DNHD1: variants seen among roughly 807,000 people sequenced by gnomAD.
DNHD1 encodes dynein heavy chain domain 1, also known as dynein heavy chain domain-containing protein 1.
Under a neutral mutation model 458.1 loss-of-function variants are expected in DNHD1, and 383 were observed. The ratio of observed to expected loss-of-function variants is 0.84; its 90% confidence interval spans 0.77 to 0.91. DNHD1 has a LOEUF of 0.91. DNHD1 is among the 40% of genes least tolerant of loss of function. The pLI is 0.00. For synonymous variants in DNHD1, 2,203 were observed against 2,376.9 expected (o/e 0.93, Z 2.13); for missense variants, 5,336 against 5,866.1 (o/e 0.91, Z 2.95).
rs376789070 is a variant in DNHD1, at chr11:6,558,161, C to T, written c.8866C>T (p.Arg2956Cys). The T allele has an allele frequency of 9.7e-6, 15 of 1,546,000 alleles. No individual in the cohort carries two copies. Among genetic ancestry groups the T allele is most frequent in the South Asian group, 1.2e-5 (1 of 83,824 alleles). The change falls in exon 25 of 43, where the codon CGC becomes TGC. Residue 2956 changes from arginine (R) to cysteine (C), a missense_variant. Physicochemically the swap from Arg to Cys is radical, Grantham distance 180. Transcript: ENST00000254579. ...PSGVDLTTLH[R>C]LLALATSGSF... is the part of the protein sequence containing the mutation. ...TGGTGTGGATCTCACTACACTTCAT[C>T]GCCTCCTGGCCCTGGCAACCTCAGG...
At chr11:6,525,202 A>G (rs1852686442) in intron 10 of DNHD1, among the ~76,000 whole-genome samples, 1 of 152,170 alleles carries the variant, frequency 6.6e-6, no homozygotes, top group South Asian at 2.1e-4. Flanking sequence ...TCTGACTCTC[A>G]CTTTTTGCCA....
chr11:6,538,536 T>C lies in DNHD1; in HGVS notation c.3126+26T>C, dbSNP rs1853017030. 5 of 1,551,738 alleles carry C rather than the reference T, an allele frequency of 3.2e-6. No homozygotes were observed. In the African/African-American group the frequency reaches 6.8e-5, roughly 21 times the overall value. ...GTGCTGACACCCTTCCTTGGAGCTCTTGACTGGGAGTGGAGGACTACAGTG... is the reference window on the plus strand; with the variant it reads ...GTGCTGACACCCTTCCTTGGAGCTCCTGACTGGGAGTGGAGGACTACAGTG... On this transcript the variant is annotated intron_variant, in intron 15 of 42. Transcript: ENST00000254579.
intron 7 of DNHD1, among the ~76,000 whole-genome samples, chr11:6,515,747 T>C (rs1477966222): frequency 6.6e-6 from 1 of 151,732 alleles, no homozygotes; most frequent in Non-Finnish European, 1.5e-5. Context: ...GCCAAGCTCA[T>C]TCACTGTTTT....
chr11:6,522,727 A>T (rs903770297), intron 10 of DNHD1, among the ~76,000 whole-genome samples: 15 of 152,352 alleles, frequency 9.8e-5, no homozygotes, highest in African/African-American at 3.6e-4. Flanking sequence ...TGTTACTTAA[A>T]TGAGGCAAAA....
At position 6,565,715 on chromosome 11, in the gene DNHD1, CAA is replaced by C. The variant is rs1436480526; in HGVS notation, c.10780_10781del (p.Lys3594GlufsTer4). 1.3e-6 allele frequency: 2 copies of C among 1,548,008 alleles called. No individual in the cohort carries two copies. Among genetic ancestry groups the C allele is most frequent in the Non-Finnish European group, 1.7e-6 (2 of 1,146,048 alleles). ...EGRGKGLMRN[Q>X]KRESKTDMKE... The stretch of plus-strand genomic sequence containing the variant: ...CCCAGGGAAAGGCCTCATGAGAAAT[CAA>C]AAGAGAGAGAGTAAAACGGACATGA... On this transcript the variant is annotated frameshift_variant, in exon 33 of 43. Transcript: ENST00000254579. LOFTEE classifies it high-confidence loss of function.
intron 18 of DNHD1, among the ~76,000 whole-genome samples, chr11:6,540,385 GCT>G (rs996313685): frequency 2.6e-5 from 4 of 152,126 alleles, no homozygotes; most frequent in African/African-American, 9.7e-5. Flanking sequence ...ACCTTTCAAT[GCT>G]CTGTCCTCTA....
chr11:6,528,496 G>A, intron 10 of DNHD1, 26 bp from the exon 11 acceptor site: 1 of 1,536,400 alleles, frequency 6.5e-7, no homozygotes, highest in African/African-American at 1.4e-5. Flanking sequence ...GGTACTCACG[G>A]ACAATTATGG....
At position 6,545,080 on chromosome 11, in the gene DNHD1, C is replaced by T. The variant is rs1386324073; in HGVS notation, c.4141C>T (p.Gln1381Ter). The T allele has an allele frequency of 3.9e-6, 6 of 1,551,862 alleles. No homozygotes were observed. The East Asian group carries it at 9.8e-5, about 25-fold the overall frequency. ...TGCTCGACTGGAATCATGCGAAGCC[C>T]AGCTATGGGTACGACGCTGCTTTCC... is the stretch of plus-strand genomic sequence containing the variant. ...LAARLESCEA[Q>*]LWVRRCFPHV... The change falls in exon 21 of 43, where the codon CAG (glutamine) becomes TAG (stop). Residue 1381 changes from glutamine (Q) to a stop codon, truncating the protein, a stop_gained. Transcript: ENST00000254579. LOFTEE classifies it high-confidence loss of function. The surrounding 1 kb of genome is among the most constrained non-coding windows in gnomAD (Gnocchi z 4.9).
Position 6,548,798 on chromosome 11 carries a change from A to G in DNHD1, c.7252A>G (p.Ser2418Gly). Residue 2418 changes from serine to glycine, a missense_variant, in exon 24 of 43, where the codon AGT (serine) becomes GGT (glycine). Transcript: ENST00000254579. The surrounding 1 kb of genome is among the most constrained non-coding windows in gnomAD (Gnocchi z 4.4). ...YIYSPIHPAF[S>G]SSHLRLLLSR... is the part of the protein sequence containing the mutation. ...ATACAGCCCCATCCACCCTGCCTTC[A>G]GTTCCTCCCACCTCCGTCTCCTGCT... 1.9e-6 allele frequency: 3 copies of G among 1,551,648 alleles called. No individual in the cohort carries two copies. Among genetic ancestry groups the G allele is most frequent in the Non-Finnish European group, 1.7e-6 (2 of 1,146,982 alleles).
chr11:6,515,553 G>A (rs1488536183), intron 7 of DNHD1, among the ~76,000 whole-genome samples: 1 of 151,838 alleles, frequency 6.6e-6, no homozygotes, highest in Non-Finnish European at 1.5e-5. Flanking sequence ...CTCCAGATGA[G>A]ACCAAAAATA....
chr11:6,528,433 G>C, intron 10 of DNHD1, 89 bp from the exon 11 acceptor site: 3 of 1,325,890 alleles, frequency 2.3e-6, no homozygotes, highest in Non-Finnish European at 3.1e-6. Flanking sequence ...GTGTGTGTGT[G>C]TGTACACACA....
rs1852286639 is a variant in DNHD1, at chr11:6,509,147, A to G, written c.1125-15A>G. 6.2e-7 allele frequency: 1 copy of G among 1,614,062 alleles called. No individual in the cohort carries two copies. The highest frequency in any genetic ancestry group is 8.5e-7 in the Non-Finnish European group (1 of 1,179,988). On this transcript the variant is annotated splice_polypyrimidine_tract_variant and intron_variant, in intron 5 of 42. Transcript: ENST00000254579. ...TGACAGCAACAGTATATTATCACTG[A>G]CCTCTAATTTCTAGTTGGAAGAAGA...
chr11:6,511,121 G>A (rs1589867429), intron 6 of DNHD1, 152 bp from the exon 7 acceptor site: 31 of 1,049,580 alleles, frequency 3.0e-5, no homozygotes, highest in Admixed American at 1.3e-4. Context: ...GAGAACTCTC[G>A]AGAGGGAGCT....
At chr11:6,561,387 C>A (rs1853585374) in intron 28 of DNHD1, among the ~76,000 whole-genome samples, 1 of 152,216 alleles carries the variant, frequency 6.6e-6, no homozygotes. Flanking sequence ...ATGATTGCAC[C>A]ACTGCACTCC....
chr11:6,537,230 C>A (rs1033364432), intron 14 of DNHD1, among the ~76,000 whole-genome samples: 4 of 152,142 alleles, frequency 2.6e-5, no homozygotes, highest in South Asian at 4.1e-4. Context: ...TAATGTAGTA[C>A]CCTGTGAGAT....
Position 6,571,564 on chromosome 11 carries a change from C to G in DNHD1, c.13912-72C>G. 8 of 1,466,376 alleles carry G rather than the reference C, an allele frequency of 5.5e-6. No individual in the cohort carries two copies. The highest frequency in any genetic ancestry group is 7.3e-6 in the Non-Finnish European group (8 of 1,097,758). The allele number at this position is 1,466,376 out of a possible 1,614,324, so 90.8% of individuals were successfully genotyped here. On this transcript the variant is annotated intron_variant, in intron 42 of 42. Transcript: ENST00000254579. The surrounding 1 kb of genome is among the most constrained non-coding windows in gnomAD (Gnocchi z 5.0). ...TCTCGCTTCACCACGACCTCCTACC[C>G]GCTAACCCCCACTTCCCACCTGCCA...
At chr11:6,551,711 G>T (rs1180360703) in intron 24 of DNHD1, among the ~76,000 whole-genome samples, 6 of 152,310 alleles carry the variant, frequency 3.9e-5, no homozygotes, top group East Asian at 3.9e-4. Flanking sequence ...GGGAGGCCAA[G>T]GAGGGCAGAT....
At position 6,558,205 on chromosome 11, in the gene DNHD1, C is replaced by T. The variant is rs1476465151; in HGVS notation, c.8910C>T (p.Tyr2970=). 9 of 1,551,724 alleles carry T rather than the reference C, an allele frequency of 5.8e-6. No homozygotes were observed. In the East Asian group the frequency reaches 1.7e-4, roughly 29 times the overall value. The change falls in exon 25 of 43, where the codon TAC becomes TAT. Residue 2970 remains tyrosine (Y), a synonymous_variant. Transcript: ENST00000254579. ...CCTCAGGCAGTTTCCCTGGCCAGTACACAGAAGCAGATTTGGACCGCATTG... is the reference window on the plus strand; with the variant it reads ...CCTCAGGCAGTTTCCCTGGCCAGTATACAGAAGCAGATTTGGACCGCATTG... ...LATSGSFPGQ[Y]TEADLDRIGE... is the part of the protein sequence containing the mutation.
At chr11:6,504,876 G>C (rs1028218277) in intron 4 of DNHD1, among the ~76,000 whole-genome samples, 1 of 152,174 alleles carries the variant, frequency 6.6e-6, no homozygotes, top group Non-Finnish European at 1.5e-5. Flanking sequence ...TGTTGCCCCA[G>C]CTGGAGTGCA....
Sources: gnomAD v4.1 joint callset for allele counts (sites outside exome capture counted in the v4.1 genomes callset) on GRCh38, gnomAD v4.1.1 for gene constraint, Gnocchi (gnomAD v3.1) non-coding constraint, MANE v1.5 for transcripts, NCBI Gene and HGNC (gene_info 2026-07-23, HGNC 2026-07-21) for gene names.